INPP4B: variants seen among roughly 807,000 people sequenced by gnomAD.
INPP4B encodes inositol polyphosphate-4-phosphatase type II B, also known as inositol polyphosphate 4-phosphatase type II.
A neutral mutation model predicts 122.5 loss-of-function variants in INPP4B; 55 were observed. That is an observed-to-expected ratio of 0.45 (90% CI 0.36 to 0.56). INPP4B has a LOEUF of 0.56. INPP4B is among the 20% of genes least tolerant of loss of function. The pLI is 0.00. For synonymous variants in INPP4B, 403 were observed against 388.7 expected (o/e 1.04, Z -0.43); for missense variants, 1,000 against 1,097.7 (o/e 0.91, Z 1.26).
chr4:142,462,148 G>A (rs1580126965), intron 3 of INPP4B, among the ~76,000 whole-genome samples: 1 of 151,822 alleles, frequency 6.6e-6, no homozygotes, highest in Non-Finnish European at 1.5e-5. Flanking sequence ...TAGGTCTTAG[G>A]TTAAATGTCA....
In INPP4B at chr4:142,026,389, A is replaced by G. The variant is rs1247738264; in HGVS notation, c.*2393T>C. 6.6e-6 allele frequency: 1 copy of G among 152,224 alleles called. No individual in the cohort carries two copies. The highest frequency in any genetic ancestry group is 1.5e-5 in the Non-Finnish European group (1 of 68,036). The allele number at this position is 152,224 out of a possible 1,614,324, so 9.4% of individuals were successfully genotyped here. A position where few individuals can be genotyped will look rare whatever the true frequency, so the allele number is the denominator to read the frequency against. ...ACAGGCTTTCTATAAGGAAATGCAG[A>G]TGACTATGGTAATGAATGAAAATTC... On this transcript the variant is annotated 3_prime_UTR_variant, in exon 26 of 26. Coordinates refer to ENST00000262992, the MANE Select transcript of INPP4B (RefSeq NM_001101669.3).
At chr4:142,794,009 TACAA>T (rs1776892899) in intron 1 of INPP4B, among the ~76,000 whole-genome samples, 1 of 152,062 alleles carries the variant, frequency 6.6e-6, no homozygotes, top group Non-Finnish European at 1.5e-5. Flanking sequence ...TCAATACAAT[TACAA>T]ACAAAGAATC....
chr4:142,627,024 C>T (rs1290127835), intron 2 of INPP4B, among the ~76,000 whole-genome samples: 2 of 152,126 alleles, frequency 1.3e-5, no homozygotes, highest in East Asian at 3.9e-4. Flanking sequence ...TATTCTATCA[C>T]TGAAGTTTTT....
At chr4:142,339,242 T>C (rs1777867010) in intron 7 of INPP4B, among the ~76,000 whole-genome samples, 1 of 152,172 alleles carries the variant, frequency 6.6e-6, no homozygotes, top group Non-Finnish European at 1.5e-5. Flanking sequence ...CTCCTGGAAT[T>C]ATCCTAATTT....
intron 2 of INPP4B, among the ~76,000 whole-genome samples, chr4:142,687,814 T>C (rs1235530833): frequency 2.0e-5 from 3 of 152,098 alleles, no homozygotes; most frequent in Admixed American, 2.0e-4. Flanking sequence ...ACCATACGCC[T>C]ACCCGGGATC....
chr4:142,290,911 T>C (rs974582775), intron 9 of INPP4B, among the ~76,000 whole-genome samples: 1 of 152,164 alleles, frequency 6.6e-6, no homozygotes, highest in Non-Finnish European at 1.5e-5. Context: ...ATAGGAATGA[T>C]GACCAATATT....
At chr4:142,132,557 GC>G (rs1801855307) in intron 18 of INPP4B, among the ~76,000 whole-genome samples, 1 of 151,822 alleles carries the variant, frequency 6.6e-6, no homozygotes, top group South Asian at 2.1e-4. Flanking sequence ...CTTTGCACTC[GC>G]CCTCCTACCA....
intron 1 of INPP4B, among the ~76,000 whole-genome samples, chr4:142,823,256 C>A (rs1024250609): frequency 2.6e-5 from 4 of 152,134 alleles, no homozygotes; most frequent in Non-Finnish European, 2.9e-5. Context: ...ATGAAGTGAA[C>A]TTTTTGTAGT....
At chr4:142,185,910 C>T (rs934641919) in intron 15 of INPP4B, among the ~76,000 whole-genome samples, 3 of 145,852 alleles carry the variant, frequency 2.1e-5, no homozygotes, top group African/African-American at 7.6e-5. Flanking sequence ...AAGAAGTCCT[C>T]TTAACTAAGT....
intron 7 of INPP4B, among the ~76,000 whole-genome samples, chr4:142,329,794 G>A (rs1299593528): frequency 1.3e-5 from 2 of 152,088 alleles, no homozygotes; most frequent in East Asian, 3.9e-4. Context: ...GGTTAATAAT[G>A]CTCAACTAGT....
rs1187617136 is a variant in INPP4B at position 142,082,163 on chromosome 4, A to G, written c.2510T>C (p.Ile837Thr). 8 of 1,524,434 alleles carry G rather than the reference A, an allele frequency of 5.2e-6. No homozygotes were observed. The highest frequency in any genetic ancestry group is 9.0e-7 in the Non-Finnish European group (1 of 1,116,006). The allele number at this position is 1,524,434 out of a possible 1,614,324, so 94.4% of individuals were successfully genotyped here. The change falls in exon 25 of 26, where the codon ATT becomes ACT. Residue 837 changes from isoleucine (I) to threonine (T), a missense_variant. Physicochemically the swap from Ile to Thr is moderately conservative, Grantham distance 89 (BLOSUM62 -1). Coordinates refer to ENST00000262992, the MANE Select transcript of INPP4B (RefSeq NM_001101669.3). ...AATICRKLNG[I>T]RFTCCKSAKD... ...GGCACTTTTACAACAGGTGAAACGA[A>G]TACCATTCAGTTTGCGGCAAATCTG... is the stretch of plus-strand genomic sequence containing the variant.
At chr4:142,786,010 T>G (rs527615557) in intron 1 of INPP4B, among the ~76,000 whole-genome samples, 3 of 152,044 alleles carry the variant, frequency 2.0e-5, no homozygotes, top group African/African-American at 4.8e-5. Flanking sequence ...AAAAGGTAAG[T>G]GAAGTGTGTG....
Position 142,028,619 on chromosome 4 carries a change from A to G in INPP4B, c.*163T>C. The G allele has an allele frequency of 1.5e-6, 1 of 651,796 alleles. No homozygotes were observed. The highest frequency in any genetic ancestry group is 2.1e-5 in the South Asian group (1 of 46,660). 40.4% of individuals were successfully genotyped at this position (651,796 alleles called of 1,614,324 possible). On this transcript the variant is annotated 3_prime_UTR_variant, in exon 26 of 26. Transcript: ENST00000262992. Reference sequence around the variant, plus strand: ...TTTAAAATGGATTTCTTTCAGAGCAATATGCTGATGATGAATTGAAGTAGT... The same window carrying G: ...TTTAAAATGGATTTCTTTCAGAGCAGTATGCTGATGATGAATTGAAGTAGT...
At chr4:142,517,103 A>G (rs918736416) in intron 2 of INPP4B, among the ~76,000 whole-genome samples, 4 of 151,888 alleles carry the variant, frequency 2.6e-5, no homozygotes, top group Non-Finnish European at 5.9e-5. Flanking sequence ...AACCTTCACA[A>G]TTCCCACCTT....
intron 7 of INPP4B, among the ~76,000 whole-genome samples, chr4:142,337,793 T>C (rs899425268): frequency 1.4e-5 from 2 of 147,768 alleles, no homozygotes; most frequent in African/African-American, 4.9e-5. Context: ...AGTTTATGTA[T>C]ATAATGAATC....
In INPP4B at chr4:142,086,142, A is replaced by T. The variant is rs1578851345; in HGVS notation, c.2487+2T>A. On this transcript the variant is annotated splice_donor_variant, in intron 24 of 25. Coordinates refer to ENST00000262992, the MANE Select transcript of INPP4B (RefSeq NM_001101669.3). LOFTEE classifies it high-confidence loss of function. ...AATAAGATTTGACATGAGAGTGCTT[A>T]CCGTTGCAGCCAGCCACATAATTTC... 6.5e-7 allele frequency: 1 copy of T among 1,538,688 alleles called. No individual in the cohort carries two copies. Among genetic ancestry groups the T allele is most frequent in the Non-Finnish European group, 9.0e-7 (1 of 1,111,500 alleles).
At chr4:142,813,502 G>T (rs75783216) in intron 1 of INPP4B, among the ~76,000 whole-genome samples, 1 of 151,974 alleles carries the variant, frequency 6.6e-6, no homozygotes, top group Non-Finnish European at 1.5e-5. Context: ...CTTGTCTTTC[G>T]TTTGTCCTTG....
At chr4:142,235,386 A>G (rs1856245839) in intron 12 of INPP4B, among the ~76,000 whole-genome samples, 1 of 151,128 alleles carries the variant, frequency 6.6e-6, no homozygotes. Flanking sequence ...GTTAATGAAT[A>G]TATGTTAATG....
At chr4:142,311,094 G>A (rs1371793451) in intron 8 of INPP4B, among the ~76,000 whole-genome samples, 2 of 152,114 alleles carry the variant, frequency 1.3e-5, no homozygotes, top group Admixed American at 1.3e-4. Flanking sequence ...CTTGTATGTT[G>A]TAATGACAGA....
Sources: allele counts gnomAD v4.1 joint callset (sites outside exome capture counted in the v4.1 genomes callset), GRCh38; gene constraint gnomAD v4.1.1; transcripts MANE v1.5; gene names NCBI Gene and HGNC (gene_info 2026-07-23, HGNC 2026-07-21).